The following SLC25A21 variants were observed in gnomAD, a reference collection of about 807,000 sequenced individuals.
The protein encoded by SLC25A21 is mitochondrial 2-oxodicarboxylate carrier.
In SLC25A21, 47 loss-of-function variants were observed where a neutral mutation model predicts 43.8. The ratio of observed to expected loss-of-function variants is 1.07; its 90% CI spans 0.85 to 1.37. SLC25A21 has a LOEUF of 1.37. Ranked by LOEUF, SLC25A21 falls within the 40% of genes most tolerant of loss-of-function variation. SLC25A21 has a pLI of 0.00. For missense variants in SLC25A21, 352 were observed against 350.2 expected (o/e 1.00, Z -0.04); for synonymous variants, 131 against 121.3 (o/e 1.08, Z -0.52).
intron 1 of SLC25A21, among the ~76,000 whole-genome samples, chr14:37,004,281 C>T (rs1379869780): frequency 6.6e-6 from 1 of 152,070 alleles, no homozygotes; most frequent in African/African-American, 2.4e-5. Flanking sequence ...GAAATGTCAT[C>T]AGTGCTTGGG....
chr14:37,059,941 G>T (rs1315427533), intron 1 of SLC25A21, among the ~76,000 whole-genome samples: 1 of 152,122 alleles, frequency 6.6e-6, no homozygotes, highest in African/African-American at 2.4e-5. Context: ...AGGAGCTAAG[G>T]CAGCAAGCTA....
chr14:37,102,023 A>T (rs1962825783), intron 1 of SLC25A21, among the ~76,000 whole-genome samples: 1 of 152,210 alleles, frequency 6.6e-6, no homozygotes, highest in Non-Finnish European at 1.5e-5. Flanking sequence ...AATGAACATA[A>T]AAATAACTAA....
rs370569208 is a variant in SLC25A21, at chr14:37,164,172, A to G, written c.70+8109T>C. Reference sequence around the variant, plus strand: ...TTTCAGGAAGGTAGAGTAAAATAAGAAATCCTTTAAAATGTGGTATGCAAC... The same window carrying G: ...TTTCAGGAAGGTAGAGTAAAATAAGGAATCCTTTAAAATGTGGTATGCAAC... On this transcript the variant is annotated intron_variant, in intron 1 of 9. Transcript: ENST00000331299. 5.9e-5 allele frequency among the ~76,000 whole-genome samples: 9 copies of G among 152,288 alleles called. No individual in the cohort carries two copies. The East Asian group carries it at 1.4e-3, about 23-fold the overall frequency.
chr14:37,118,899 C>T (rs562102701), intron 1 of SLC25A21, among the ~76,000 whole-genome samples: 1 of 152,060 alleles, frequency 6.6e-6, no homozygotes, highest in South Asian at 2.1e-4. Flanking sequence ...GGGCTGCATT[C>T]CCAGGAGGTT....
intron 7 of SLC25A21, among the ~76,000 whole-genome samples, chr14:36,706,460 A>G (rs1440197111): frequency 6.6e-6 from 1 of 152,084 alleles, no homozygotes; most frequent in African/African-American, 2.4e-5. Flanking sequence ...ACTTCTAAAC[A>G]TCTATCTCCA....
intron 7 of SLC25A21, among the ~76,000 whole-genome samples, chr14:36,685,287 G>A (rs1183362401): frequency 2.0e-5 from 3 of 152,102 alleles, no homozygotes; most frequent in Admixed American, 1.3e-4. Context: ...TAGCTAATTG[G>A]CCAGAATATT....
At chr14:37,141,237 T>G (rs1458955944) in intron 1 of SLC25A21, among the ~76,000 whole-genome samples, 1 of 152,206 alleles carries the variant, frequency 6.6e-6, no homozygotes, top group Non-Finnish European at 1.5e-5. Context: ...TTAATACAAC[T>G]GAGCAACTGA....
intron 1 of SLC25A21, among the ~76,000 whole-genome samples, chr14:36,885,934 C>T (rs950066780): frequency 2.0e-5 from 3 of 152,164 alleles, no homozygotes; most frequent in African/African-American, 7.2e-5. Context: ...CTCTTATGTT[C>T]TCTGAAGTTC....
chr14:37,019,085 G>C (rs10140373), intron 1 of SLC25A21, among the ~76,000 whole-genome samples: 2 of 151,626 alleles, frequency 1.3e-5, no homozygotes, highest in Non-Finnish European at 2.9e-5. Flanking sequence ...AGGTCATCTT[G>C]CATCAGTAAT....
chr14:36,733,170 C>G (rs751356185), intron 4 of SLC25A21, among the ~76,000 whole-genome samples: 4 of 152,184 alleles, frequency 2.6e-5, no homozygotes, highest in Non-Finnish European at 4.4e-5. Flanking sequence ...TTTATCTATA[C>G]ATGTAACTCA....
At chr14:37,082,188 C>T (rs1239300008) in intron 1 of SLC25A21, among the ~76,000 whole-genome samples, 1 of 152,068 alleles carries the variant, frequency 6.6e-6, no homozygotes, top group African/African-American at 2.4e-5. Flanking sequence ...ACATTGAGCA[C>T]ACATAGACAT....
At chr14:36,685,714 A>AC (rs1236296526) in intron 7 of SLC25A21, among the ~76,000 whole-genome samples, 1 of 151,740 alleles carries the variant, frequency 6.6e-6, no homozygotes, top group East Asian at 1.9e-4. Flanking sequence ...TTGATTTTCC[A>AC]CCCCTCCCTG....
chr14:36,810,880 GAAAAGAGTGGGGGAAATAATT>G (rs1324588824), intron 3 of SLC25A21, among the ~76,000 whole-genome samples: 1 of 94,752 alleles, frequency 1.1e-5, no homozygotes, highest in African/African-American at 3.2e-5. Flanking sequence ...TGTAGAGAAA[GAAAAGAGTGGGGGAAATAATT>G]CAGCATATGA....
intron 3 of SLC25A21, among the ~76,000 whole-genome samples, chr14:36,770,371 G>A (rs1886573420): frequency 6.6e-6 from 1 of 152,144 alleles, no homozygotes; most frequent in South Asian, 2.1e-4. Context: ...ACTTCTAGAG[G>A]TGGGAGGGAA....
At chr14:36,810,199 A>C (rs1392296148) in intron 3 of SLC25A21, among the ~76,000 whole-genome samples, 1 of 152,194 alleles carries the variant, frequency 6.6e-6, no homozygotes, top group East Asian at 1.9e-4. Flanking sequence ...TTTGCTCTAG[A>C]AGCAATTATA....
chr14:36,967,430 G>A (rs562840288), intron 1 of SLC25A21, among the ~76,000 whole-genome samples: 31 of 152,308 alleles, frequency 2.0e-4, no homozygotes, highest in African/African-American at 7.2e-4. Flanking sequence ...GCTTGATGGA[G>A]TCAATAGAGA....
chr14:36,897,282 A>T (rs2138592002), intron 1 of SLC25A21, among the ~76,000 whole-genome samples: 1 of 151,760 alleles, frequency 6.6e-6, no homozygotes, highest in East Asian at 1.9e-4. Flanking sequence ...GCTTCTTTTC[A>T]TTCATTTCAT....
chr14:37,125,913 G>C (rs1244426235), intron 1 of SLC25A21, among the ~76,000 whole-genome samples: 1 of 152,100 alleles, frequency 6.6e-6, no homozygotes, highest in Non-Finnish European at 1.5e-5. Context: ...CACATTCCTT[G>C]CTCATATAAA....
intron 1 of SLC25A21, among the ~76,000 whole-genome samples, chr14:37,078,848 T>C (rs1230181883): frequency 2.6e-5 from 4 of 152,140 alleles, no homozygotes; most frequent in Admixed American, 2.6e-4. Context: ...TTTCCTTTTT[T>C]TTTTTTCTCT....
Sources: gnomAD v4.1 joint callset for allele counts (sites outside exome capture counted in the v4.1 genomes callset) on GRCh38, gnomAD v4.1.1 for gene constraint, MANE v1.5 for transcripts, NCBI Gene and HGNC (gene_info 2026-07-23, HGNC 2026-07-21) for gene names.